Variants in NUDCD3 observed in about 807,000 individuals in gnomAD.
The protein encoded by NUDCD3 is NudC domain containing 3.
NUDCD3 carries 13 observed loss-of-function variants against 39.7 expected under a neutral mutation model. The ratio of observed to expected loss-of-function variants is 0.33; its 90% CI spans 0.21 to 0.52. The LOEUF is 0.52. NUDCD3 is among the 20% of genes least tolerant of loss of function. NUDCD3 has a pLI of 0.96. For missense variants in NUDCD3, 453 were observed against 458.1 expected (o/e 0.99, Z 0.10); for synonymous variants, 175 against 172.4 (o/e 1.02, Z -0.12).
intron 2 of NUDCD3, among the ~76,000 whole-genome samples, chr7:44,465,526 G>A (rs1800100821): frequency 6.6e-6 from 1 of 152,188 alleles, no homozygotes; most frequent in Non-Finnish European, 1.5e-5. Context: ...AGAACTCTCT[G>A]CACTTCCTGC....
chr7:44,413,968 T>C (rs754893911), intron 3 of NUDCD3, among the ~76,000 whole-genome samples: 1 of 151,788 alleles, frequency 6.6e-6, no homozygotes, highest in African/African-American at 2.4e-5. Flanking sequence ...GATGGGAAGA[T>C]TGCTTAAGCC....
intron 2 of NUDCD3, among the ~76,000 whole-genome samples, chr7:44,430,845 G>T (rs1799350914): frequency 6.6e-6 from 1 of 152,062 alleles, no homozygotes; most frequent in Non-Finnish European, 1.5e-5. Context: ...TCGAGTGAGG[G>T]GGGACATCTG....
chr7:44,429,753 G>A (rs1799316358), intron 2 of NUDCD3, among the ~76,000 whole-genome samples: 1 of 152,148 alleles, frequency 6.6e-6, no homozygotes, highest in African/African-American at 2.4e-5. Flanking sequence ...GTGGGACAGA[G>A]AGATGACATA....
At chr7:44,443,179 A>G (rs1321871805) in intron 2 of NUDCD3, among the ~76,000 whole-genome samples, 2 of 152,148 alleles carry the variant, frequency 1.3e-5, no homozygotes, top group African/African-American at 4.8e-5. Context: ...CACATCCAGC[A>G]CAGTTTCTAA....
At chr7:44,475,558 G>A (rs1242646254) in intron 2 of NUDCD3, among the ~76,000 whole-genome samples, 3 of 152,094 alleles carry the variant, frequency 2.0e-5, no homozygotes, top group Non-Finnish European at 4.4e-5. Flanking sequence ...AGGAGTTTGA[G>A]ACCAGCCTGG....
intron 3 of NUDCD3, 60 bp from the exon 4 acceptor site, chr7:44,404,643 C>A: frequency 6.4e-7 from 1 of 1,569,876 alleles, no homozygotes; most frequent in Non-Finnish European, 8.7e-7. Context: ...GTGTGCTGTA[C>A]GGTGGGAGTG....
chr7:44,474,529 C>T (rs1440811359), intron 2 of NUDCD3, among the ~76,000 whole-genome samples: 2 of 152,128 alleles, frequency 1.3e-5, no homozygotes, highest in African/African-American at 2.4e-5. Context: ...AGGGGAAAAA[C>T]TCCACAGATG....
chr7:44,423,673 C>T (rs74324291), intron 3 of NUDCD3, among the ~76,000 whole-genome samples: 1 of 152,190 alleles, frequency 6.6e-6, no homozygotes, highest in African/African-American at 2.4e-5. Context: ...AAAATCCATG[C>T]TCATGGATAG....
intron 2 of NUDCD3, among the ~76,000 whole-genome samples, chr7:44,431,653 G>C (rs1027133585): frequency 6.6e-5 from 10 of 151,242 alleles, no homozygotes; most frequent in African/African-American, 2.4e-4. Flanking sequence ...GAAACAAAAA[G>C]GTCCTCTCTC....
At chr7:44,398,568 A>G (rs954995701) in intron 4 of NUDCD3, among the ~76,000 whole-genome samples, 1 of 152,180 alleles carries the variant, frequency 6.6e-6, no homozygotes, top group Non-Finnish European at 1.5e-5. Context: ...GTCCTCACAG[A>G]AACTTCCACC....
chr7:44,417,043 C>G (rs983308199), intron 3 of NUDCD3, among the ~76,000 whole-genome samples: 3 of 152,164 alleles, frequency 2.0e-5, no homozygotes, highest in African/African-American at 7.2e-5. Context: ...CCATCTTGCT[C>G]ATTTATTTAC....
intron 2 of NUDCD3, among the ~76,000 whole-genome samples, chr7:44,456,038 A>C (rs1489405134): frequency 3.9e-5 from 5 of 127,514 alleles, no homozygotes; most frequent in Admixed American, 2.2e-4. Flanking sequence ...AAAAAAAAAA[A>C]AAAAAAAAAA....
chr7:44,450,879 A>G (rs1799782926), intron 2 of NUDCD3, among the ~76,000 whole-genome samples: 1 of 152,232 alleles, frequency 6.6e-6, no homozygotes, highest in African/African-American at 2.4e-5. Flanking sequence ...GTGTTCTGCC[A>G]AAAGGCAGAC....
rs1585043273 is a variant in NUDCD3, at chr7:44,381,303, G to C, written c.*4708C>G. ...CTCACCTTGGTCATGATGCCACAGAGAGTGTGGCATGGCCAGGACTGTACC... is the reference window on the plus strand; with the variant it reads ...CTCACCTTGGTCATGATGCCACAGACAGTGTGGCATGGCCAGGACTGTACC... On this transcript the variant is annotated 3_prime_UTR_variant, in exon 6 of 6. Transcript: ENST00000355451. 6.6e-6 allele frequency: 1 copy of C among 152,348 alleles called. No homozygotes were observed. Among genetic ancestry groups the C allele is most frequent in the East Asian group, 1.9e-4 (1 of 5,202 alleles). 9.4% of individuals were successfully genotyped at this position (152,348 alleles called of 1,614,324 possible).
At chr7:44,477,963 A>G (rs1800411219) in intron 2 of NUDCD3, among the ~76,000 whole-genome samples, 1 of 150,744 alleles carries the variant, frequency 6.6e-6, no homozygotes, top group South Asian at 2.1e-4. Flanking sequence ...CCTCCTGTGT[A>G]GCTGAGATTA....
At chr7:44,394,058 C>T (rs1233130202) in intron 4 of NUDCD3, among the ~76,000 whole-genome samples, 6 of 152,176 alleles carry the variant, frequency 3.9e-5, no homozygotes, top group East Asian at 1.9e-4. Flanking sequence ...GGATCAAGTC[C>T]GAGAATGTGT....
At chr7:44,405,188 C>T (rs371736506) in intron 3 of NUDCD3, among the ~76,000 whole-genome samples, 1 of 152,192 alleles carries the variant, frequency 6.6e-6, no homozygotes. Flanking sequence ...CCAACACTCG[C>T]ACATGGTTTT....
chr7:44,456,385 G>A (rs1343853765), intron 2 of NUDCD3, among the ~76,000 whole-genome samples: 2 of 152,116 alleles, frequency 1.3e-5, no homozygotes, highest in African/African-American at 2.4e-5. Flanking sequence ...TTTAAAGGCC[G>A]AGCAAGTACC....
intron 2 of NUDCD3, among the ~76,000 whole-genome samples, chr7:44,461,789 TG>T (rs1800021772): frequency 6.6e-6 from 1 of 152,276 alleles, no homozygotes; most frequent in South Asian, 2.1e-4. Context: ...TTTTCTCAAA[TG>T]CCAGAAATGC....
Sources: allele counts gnomAD v4.1 joint callset (sites outside exome capture counted in the v4.1 genomes callset), GRCh38; gene constraint gnomAD v4.1.1; transcripts MANE v1.5; gene names NCBI Gene and HGNC (gene_info 2026-07-23, HGNC 2026-07-21).